CDYL2: variants seen among roughly 807,000 people sequenced by gnomAD.
The protein encoded by CDYL2 is chromodomain Y-like protein 2.
A neutral mutation model predicts 49.4 loss-of-function variants in CDYL2; 23 were observed. The ratio of observed to expected loss-of-function variants is 0.47; its 90% confidence interval spans 0.34 to 0.66. The LOEUF (loss-of-function observed/expected upper bound fraction) is 0.66. Among genes scored for constraint, CDYL2 ranks in the 30% least tolerant of loss-of-function variants. The pLI is 0.01. For synonymous variants in CDYL2, 360 were observed against 268.8 expected, an observed-to-expected ratio of 1.34 and a Z score of -3.32; for missense variants, 678 against 656.4, an observed-to-expected ratio of 1.03 and a Z score of -0.36.
At chr16:80,676,460 T>C (rs969141805) in intron 2 of CDYL2, among the ~76,000 whole-genome samples, 20 of 152,098 alleles carry the variant, frequency 1.3e-4, no homozygotes, top group African/African-American at 4.6e-4. Flanking sequence ...GTTCACCAGA[T>C]AGTGTGGGGC....
chr16:80,651,169 G>T (rs1215980283), intron 2 of CDYL2, among the ~76,000 whole-genome samples: 4 of 152,102 alleles, frequency 2.6e-5, no homozygotes, highest in Non-Finnish European at 1.5e-5. Flanking sequence ...CATTTTCTAT[G>T]ATGTGATTAT....
intron 2 of CDYL2, among the ~76,000 whole-genome samples, chr16:80,676,531 G>T (rs1909750709): frequency 6.6e-6 from 1 of 152,202 alleles, no homozygotes; most frequent in Admixed American, 6.5e-5. Context: ...TCTGGGACAA[G>T]CTCCTCACCC....
At chr16:80,798,325 G>C (rs1383332629) in intron 1 of CDYL2, among the ~76,000 whole-genome samples, 11 of 152,182 alleles carry the variant, frequency 7.2e-5, no homozygotes, top group Admixed American at 7.2e-4. Context: ...TTACAGGCAT[G>C]AGCCACAGTG....
At chr16:80,664,388 C>T (rs1200055471) in intron 2 of CDYL2, among the ~76,000 whole-genome samples, 2 of 152,164 alleles carry the variant, frequency 1.3e-5, no homozygotes, top group East Asian at 1.9e-4. Flanking sequence ...CCTCCCCAAG[C>T]GCCGGGAACA....
chr16:80,642,012 A>C (rs1207259345), intron 2 of CDYL2, among the ~76,000 whole-genome samples: 1 of 152,208 alleles, frequency 6.6e-6, no homozygotes. Context: ...TGGGATGTAA[A>C]CTACTCTTAT....
At chr16:80,619,489 G>A (rs1431925897) in intron 4 of CDYL2, among the ~76,000 whole-genome samples, 2 of 152,162 alleles carry the variant, frequency 1.3e-5, no homozygotes, top group Admixed American at 6.5e-5. Flanking sequence ...CATGATTGAC[G>A]CTCCACGGGT....
intron 2 of CDYL2, among the ~76,000 whole-genome samples, chr16:80,680,732 G>C (rs369398790): frequency 6.6e-6 from 1 of 152,128 alleles, no homozygotes; most frequent in Non-Finnish European, 1.5e-5. Context: ...AGTAAAGATG[G>C]ATCTACCAAC....
intron 1 of CDYL2, among the ~76,000 whole-genome samples, chr16:80,748,591 G>C (rs982191575): frequency 6.4e-5 from 9 of 140,580 alleles, no homozygotes; most frequent in Non-Finnish European, 1.2e-4. Context: ...GCCTTGGTTT[G>C]CACAAATGGA....
chr16:80,757,843 A>G (rs1301460308), intron 1 of CDYL2, among the ~76,000 whole-genome samples: 4 of 152,094 alleles, frequency 2.6e-5, no homozygotes, highest in African/African-American at 4.8e-5. Context: ...GGCCTATTAT[A>G]AATGAGTCTA....
At chr16:80,791,417 G>C (rs1364945260) in intron 1 of CDYL2, among the ~76,000 whole-genome samples, 1 of 152,146 alleles carries the variant, frequency 6.6e-6, no homozygotes, top group East Asian at 1.9e-4. Context: ...AAACAAGACA[G>C]ACAATCACTG....
chr16:80,776,932 C>G (rs1907103939), intron 1 of CDYL2, among the ~76,000 whole-genome samples: 1 of 151,954 alleles, frequency 6.6e-6, no homozygotes. Flanking sequence ...ATTCTCCTGC[C>G]TCGGCCTCCC....
At chr16:80,750,854 T>TA (rs955828695) in intron 1 of CDYL2, among the ~76,000 whole-genome samples, 8 of 151,902 alleles carry the variant, frequency 5.3e-5, no homozygotes, top group Non-Finnish European at 1.2e-4. Flanking sequence ...CCGTCTCTAC[T>TA]AAAAAAATAC....
At chr16:80,632,011 G>T (rs1271481597) in intron 3 of CDYL2, among the ~76,000 whole-genome samples, 3 of 152,134 alleles carry the variant, frequency 2.0e-5, no homozygotes, top group Admixed American at 2.0e-4. Flanking sequence ...TAAGCAATAT[G>T]ACCCAGCAAT....
chr16:80,694,091 G>A (rs544299349), intron 1 of CDYL2, among the ~76,000 whole-genome samples: 4 of 151,854 alleles, frequency 2.6e-5, no homozygotes, highest in Non-Finnish European at 4.4e-5. Context: ...TTTCCACGAC[G>A]GGCGGAATGG....
At chr16:80,683,815 T>C (rs1322173745) in intron 2 of CDYL2, among the ~76,000 whole-genome samples, 2 of 152,176 alleles carry the variant, frequency 1.3e-5, no homozygotes, top group African/African-American at 4.8e-5. Context: ...AGGCACCAGC[T>C]AAGAGGAACA....
At chr16:80,744,320 G>C (rs1905852063) in intron 1 of CDYL2, among the ~76,000 whole-genome samples, 1 of 152,030 alleles carries the variant, frequency 6.6e-6, no homozygotes, top group Admixed American at 6.5e-5. Flanking sequence ...CATTCCCTAA[G>C]CAACTCTATT....
chr16:80,712,293 C>T (rs951808029), intron 1 of CDYL2, among the ~76,000 whole-genome samples: 2 of 150,100 alleles, frequency 1.3e-5, no homozygotes, highest in African/African-American at 4.9e-5. Context: ...TCCAGAGAGT[C>T]CCTGAAACGT....
chr16:80,665,278 G>A (rs762586675), intron 2 of CDYL2, among the ~76,000 whole-genome samples: 9 of 151,948 alleles, frequency 5.9e-5, no homozygotes, highest in Non-Finnish European at 1.0e-4. Flanking sequence ...TCCTTGCTTC[G>A]GTGGTATCCA....
chr16:80,727,339 C>T (rs1054557339), intron 1 of CDYL2, among the ~76,000 whole-genome samples: 2 of 152,190 alleles, frequency 1.3e-5, no homozygotes, highest in African/African-American at 4.8e-5. Flanking sequence ...GGGTGACAGA[C>T]GGCACCTGGA....
Sources: gnomAD v4.1 joint callset for allele counts (sites outside exome capture counted in the v4.1 genomes callset) on GRCh38, gnomAD v4.1.1 for gene constraint, MANE v1.5 for transcripts, NCBI Gene and HGNC (gene_info 2026-07-23, HGNC 2026-07-21) for gene names.